The following BMP5 variants were observed in gnomAD, a reference collection of about 807,000 sequenced individuals.
The protein encoded by BMP5 is bone morphogenetic protein 5.
Under a neutral mutation model 46.6 loss-of-function variants are expected in BMP5, and 23 were observed. That is an observed-to-expected ratio of 0.49 (90% CI 0.35 to 0.70). The LOEUF is 0.70. Among genes scored for constraint, BMP5 ranks in the 30% least tolerant of loss-of-function variants. The pLI, the probability that BMP5 is intolerant of heterozygous loss-of-function variation, is 0.00. For missense variants in BMP5, 545 were observed against 565.6 expected (o/e 0.96, Z 0.37); for synonymous variants, 204 against 191.9 (o/e 1.06, Z -0.52).
At chr6:55,759,373 C>T (rs1431123574) in intron 5 of BMP5, among the ~76,000 whole-genome samples, 1 of 151,594 alleles carries the variant, frequency 6.6e-6, no homozygotes, top group Non-Finnish European at 1.5e-5. Context: ...AAATTGTCCT[C>T]TCTAATTACT....
chr6:55,866,564 G>A (rs909242145), intron 1 of BMP5, among the ~76,000 whole-genome samples: 1 of 152,072 alleles, frequency 6.6e-6, no homozygotes, highest in Non-Finnish European at 1.5e-5. Context: ...ACAATAAACA[G>A]GGATTTGAAA....
intron 4 of BMP5, among the ~76,000 whole-genome samples, chr6:55,766,879 T>A (rs1365192436): frequency 6.6e-6 from 1 of 152,034 alleles, no homozygotes; most frequent in East Asian, 1.9e-4. Context: ...GTTTCATCCA[T>A]GTCTGTTAAT....
rs545395701 is a variant in BMP5, at chr6:55,805,686, G to A, written c.684-11259C>T. 3.9e-5 allele frequency among the ~76,000 whole-genome samples: 6 copies of A among 152,262 alleles called. No individual in the cohort carries two copies. In the East Asian group the frequency reaches 9.6e-4, roughly 24 times the overall value. ...GAACTAATTTACATTCCCACCAACA[G>A]TGTAAAAGCATTCCTATCTCTCCAC... On this transcript the variant is annotated intron_variant, in intron 2 of 6. Transcript: ENST00000370830.
rs567218256 is a variant in BMP5 at position 55,851,272 on chromosome 6, C to T, written c.490+23104G>A. Among the ~76,000 whole-genome samples the T allele has an allele frequency of 3.0e-4, 46 of 151,878 alleles. No homozygotes were observed. The East Asian group carries it at 5.2e-3, about 17-fold the overall frequency. On this transcript the variant is annotated intron_variant, in intron 1 of 6. Coordinates refer to ENST00000370830, the MANE Select transcript of BMP5 (RefSeq NM_021073.4). The stretch of plus-strand genomic sequence containing the variant: ...TATTTTTTCTTTCAGTGGATGATTG[C>T]GCTTTAAAACAGAAAACAGAGCTTA...
chr6:55,814,323 CAT>C (rs1342631346), intron 2 of BMP5, among the ~76,000 whole-genome samples: 2 of 152,050 alleles, frequency 1.3e-5, no homozygotes, highest in African/African-American at 4.8e-5. Context: ...TGTAAACTAA[CAT>C]AGATGCTCAT....
At chr6:55,838,786 A>T (rs1776884361) in intron 1 of BMP5, among the ~76,000 whole-genome samples, 1 of 152,208 alleles carries the variant, frequency 6.6e-6, no homozygotes, top group Non-Finnish European at 1.5e-5. Context: ...ATTTATTTTC[A>T]TGATGCTTTT....
At chr6:55,773,561 T>C (rs1046983182) in intron 4 of BMP5, among the ~76,000 whole-genome samples, 3 of 151,300 alleles carry the variant, frequency 2.0e-5, no homozygotes, top group African/African-American at 7.3e-5. Flanking sequence ...ATAATAGTCC[T>C]CCAAATAATG....
At chr6:55,856,394 G>C (rs908171531) in intron 1 of BMP5, among the ~76,000 whole-genome samples, 1 of 152,080 alleles carries the variant, frequency 6.6e-6, no homozygotes, top group Non-Finnish European at 1.5e-5. Flanking sequence ...TAAATACCTG[G>C]AACTGAGATT....
At chr6:55,832,275 C>T (rs766198581) in intron 1 of BMP5, among the ~76,000 whole-genome samples, 1 of 152,154 alleles carries the variant, frequency 6.6e-6, no homozygotes, top group Non-Finnish European at 1.5e-5. Context: ...TGAGAGCTGT[C>T]TGTTGATCAC....
At chr6:55,767,542 T>C (rs2127518419) in intron 4 of BMP5, among the ~76,000 whole-genome samples, 1 of 151,816 alleles carries the variant, frequency 6.6e-6, no homozygotes, top group Middle Eastern at 3.4e-3. Context: ...GTGAAGTCAG[T>C]ATTAGATATT....
At chr6:55,772,123 G>T (rs547831909) in intron 4 of BMP5, among the ~76,000 whole-genome samples, 120 of 151,942 alleles carry the variant, frequency 7.9e-4, no homozygotes, top group African/African-American at 2.3e-3. Context: ...ATATTTCACA[G>T]AAATGGTTGC....
intron 1 of BMP5, among the ~76,000 whole-genome samples, chr6:55,842,205 T>G (rs1401318118): frequency 6.6e-6 from 1 of 152,168 alleles, no homozygotes; most frequent in Non-Finnish European, 1.5e-5. Context: ...CATTTTGTGA[T>G]TTCTTAGAGC....
intron 1 of BMP5, among the ~76,000 whole-genome samples, chr6:55,868,276 A>G (rs1777697669): frequency 1.3e-5 from 2 of 152,214 alleles, no homozygotes; most frequent in South Asian, 4.1e-4. Context: ...TAACAAGAAC[A>G]ATAAAAGTTG....
At chr6:55,823,691 T>C (rs16887204) in intron 1 of BMP5, among the ~76,000 whole-genome samples, 1 of 151,968 alleles carries the variant, frequency 6.6e-6, no homozygotes, top group Non-Finnish European at 1.5e-5. Context: ...AAAGTTGACC[T>C]TGTTTCAGTG....
At chr6:55,816,578 T>A (rs1173209283) in intron 2 of BMP5, among the ~76,000 whole-genome samples, 1 of 152,116 alleles carries the variant, frequency 6.6e-6, no homozygotes, top group East Asian at 1.9e-4. Flanking sequence ...ACGTAACTTA[T>A]CTGCAGACAA....
chr6:55,804,037 T>G (rs1401600533), intron 2 of BMP5, among the ~76,000 whole-genome samples: 1 of 152,190 alleles, frequency 6.6e-6, no homozygotes, highest in Non-Finnish European at 1.5e-5. Flanking sequence ...AATAAATATC[T>G]TATTCCTTAT....
At chr6:55,817,716 A>G (rs998367447) in intron 2 of BMP5, among the ~76,000 whole-genome samples, 1 of 152,064 alleles carries the variant, frequency 6.6e-6, no homozygotes, top group Non-Finnish European at 1.5e-5. Flanking sequence ...GAACCTGCAC[A>G]TTGTGCATAT....
chr6:55,813,630 A>G (rs1196482845), intron 2 of BMP5, among the ~76,000 whole-genome samples: 1 of 152,016 alleles, frequency 6.6e-6, no homozygotes, highest in Non-Finnish European at 1.5e-5. Context: ...TACTAAAAAT[A>G]CAAAAAATTA....
intron 3 of BMP5, among the ~76,000 whole-genome samples, chr6:55,792,822 A>G (rs1775605411): frequency 6.6e-6 from 1 of 152,188 alleles, no homozygotes; most frequent in Non-Finnish European, 1.5e-5. Context: ...TAACACCGCA[A>G]TGAAAAATGA....
Sources: gnomAD v4.1 joint callset for allele counts (sites outside exome capture counted in the v4.1 genomes callset) on GRCh38, gnomAD v4.1.1 for gene constraint, MANE v1.5 for transcripts, NCBI Gene and HGNC (gene_info 2026-07-23, HGNC 2026-07-21) for gene names.